The following CHRM3 variants were observed in gnomAD, a reference collection of about 807,000 sequenced individuals.
CHRM3 encodes the protein cholinergic receptor muscarinic 3.
CHRM3 carries 11 observed loss-of-function variants against 41.8 expected under a neutral mutation model. The ratio of observed to expected loss-of-function variants is 0.26; its 90% CI spans 0.17 to 0.44. The LOEUF (loss-of-function observed/expected upper bound fraction) is 0.44, where lower values mean the gene tolerates loss of function less well. CHRM3 is among the 20% of genes least tolerant of loss of function. The pLI is 1.00. For missense variants in CHRM3, 571 were observed against 745.4 expected (o/e 0.77, Z 2.72); for synonymous variants, 297 against 301.4 (o/e 0.99, Z 0.15).
intron 5 of CHRM3, among the ~76,000 whole-genome samples, chr1:239,747,236 A>G (rs1158869130): frequency 2.0e-5 from 3 of 152,234 alleles, no homozygotes; most frequent in Non-Finnish European, 4.4e-5. Flanking sequence ...CTCAATAAAT[A>G]TGATTCATTA....
intron 5 of CHRM3, among the ~76,000 whole-genome samples, chr1:239,795,693 T>G (rs375992724): frequency 6.6e-6 from 1 of 152,362 alleles, no homozygotes; most frequent in African/African-American, 2.4e-5. Flanking sequence ...TCTTAATGGA[T>G]GTACTGTCAC....
chr1:239,651,253 T>C (rs1672215834), intron 4 of CHRM3, among the ~76,000 whole-genome samples: 1 of 152,228 alleles, frequency 6.6e-6, no homozygotes, highest in African/African-American at 2.4e-5. Flanking sequence ...GAATATCTTA[T>C]ATGAGCTGAT....
chr1:239,716,638 A>T (rs976954295), intron 5 of CHRM3, among the ~76,000 whole-genome samples: 4 of 152,114 alleles, frequency 2.6e-5, no homozygotes, highest in African/African-American at 9.7e-5. Flanking sequence ...TGAATAAATA[A>T]TATTTTTAAT....
At chr1:239,666,259 A>T (rs899895348) in intron 4 of CHRM3, among the ~76,000 whole-genome samples, 1 of 149,708 alleles carries the variant, frequency 6.7e-6, no homozygotes, top group African/African-American at 2.5e-5. Context: ...CAGTGGCTTG[A>T]TCTTGGCTCA....
At chr1:239,398,154 G>A (rs879059622) in intron 1 of CHRM3, among the ~76,000 whole-genome samples, 1 of 152,170 alleles carries the variant, frequency 6.6e-6, no homozygotes, top group Non-Finnish European at 1.5e-5. Flanking sequence ...AAACTTAAAA[G>A]TAGAATGTAA....
At chr1:239,563,221 C>T (rs910240015) in intron 3 of CHRM3, among the ~76,000 whole-genome samples, 6 of 151,894 alleles carry the variant, frequency 4.0e-5, no homozygotes, top group African/African-American at 1.5e-4. Context: ...AGAGATACAT[C>T]CAGGTGCACA....
At chr1:239,444,131 A>G (rs1663943826) in intron 1 of CHRM3, among the ~76,000 whole-genome samples, 1 of 152,090 alleles carries the variant, frequency 6.6e-6, no homozygotes, top group African/African-American at 2.4e-5. Flanking sequence ...CGTTTTAAGG[A>G]CCCTGCCTTA....
At chr1:239,420,029 C>T (rs1480584033) in intron 1 of CHRM3, among the ~76,000 whole-genome samples, 3 of 152,128 alleles carry the variant, frequency 2.0e-5, no homozygotes. Context: ...CTAATTAGCC[C>T]GCATAACGAT....
At chr1:239,519,547 G>C (rs1271931619) in intron 2 of CHRM3, among the ~76,000 whole-genome samples, 2 of 152,054 alleles carry the variant, frequency 1.3e-5, no homozygotes, top group African/African-American at 4.8e-5. Context: ...GCAGGCACAA[G>C]TATTCTCTTT....
At chr1:239,613,692 C>T (rs1020276673) in intron 3 of CHRM3, among the ~76,000 whole-genome samples, 1 of 152,168 alleles carries the variant, frequency 6.6e-6, no homozygotes, top group African/African-American at 2.4e-5. Context: ...CTTTGTCTCT[C>T]CCCCGGCAGT....
intron 5 of CHRM3, among the ~76,000 whole-genome samples, chr1:239,712,851 C>T (rs543949965): frequency 2.0e-5 from 3 of 152,302 alleles, no homozygotes; most frequent in African/African-American, 4.8e-5. Context: ...TGGACTATTT[C>T]ATTACTCCTC....
intron 2 of CHRM3, among the ~76,000 whole-genome samples, chr1:239,539,798 G>C (rs895805303): frequency 1.4e-5 from 2 of 144,698 alleles, no homozygotes; most frequent in African/African-American, 4.9e-5. Context: ...CATTTTTTTA[G>C]TAGAGATGGG....
intron 6 of CHRM3, among the ~76,000 whole-genome samples, chr1:239,887,360 C>T (rs577381338): frequency 6.6e-6 from 1 of 152,216 alleles, no homozygotes; most frequent in South Asian, 2.1e-4. Context: ...CGCCACCATG[C>T]ATGGATAATT....
intron 3 of CHRM3, among the ~76,000 whole-genome samples, chr1:239,562,232 T>A (rs1660923902): frequency 6.6e-6 from 1 of 152,170 alleles, no homozygotes; most frequent in Non-Finnish European, 1.5e-5. Context: ...AAGGGAGGCA[T>A]GTGTTAGAGA....
intron 3 of CHRM3, among the ~76,000 whole-genome samples, chr1:239,621,455 G>T (rs549595860): frequency 6.6e-6 from 1 of 152,178 alleles, no homozygotes; most frequent in Non-Finnish European, 1.5e-5. Context: ...CAGGCTGAAA[G>T]TGATGCCTCT....
chr1:239,897,665 A>T (rs772369659), intron 6 of CHRM3, among the ~76,000 whole-genome samples: 1 of 152,246 alleles, frequency 6.6e-6, no homozygotes, highest in Non-Finnish European at 1.5e-5. Flanking sequence ...TAACTTCAGC[A>T]ACAAGGAGTC....
intron 2 of CHRM3, among the ~76,000 whole-genome samples, chr1:239,532,122 C>T (rs1363012512): frequency 7.0e-6 from 1 of 142,286 alleles, no homozygotes; most frequent in African/African-American, 2.6e-5. Context: ...ACACCATTCT[C>T]CTGCCTCAGC....
chr1:239,720,740 G>T (rs1404985376), intron 5 of CHRM3, among the ~76,000 whole-genome samples: 1 of 151,840 alleles, frequency 6.6e-6, no homozygotes, highest in Non-Finnish European at 1.5e-5. Context: ...AGTCTTAAGT[G>T]CTGTAATTCA....
intron 6 of CHRM3, among the ~76,000 whole-genome samples, chr1:239,862,793 T>G (rs1353666913): frequency 6.6e-6 from 1 of 152,186 alleles, no homozygotes; most frequent in Non-Finnish European, 1.5e-5. Context: ...TCCTTTTCAT[T>G]TGGTCTGTAC....
Sources: allele counts gnomAD v4.1 joint callset (sites outside exome capture counted in the v4.1 genomes callset), GRCh38; gene constraint gnomAD v4.1.1; transcripts MANE v1.5; gene names NCBI Gene and HGNC (gene_info 2026-07-23, HGNC 2026-07-21).